CD99L2: variants seen among roughly 807,000 people sequenced by gnomAD.
CD99L2 encodes CD99 antigen-like protein 2.
Under a neutral mutation model 27.3 loss-of-function variants are expected in CD99L2, and 24 were observed. That is an observed-to-expected ratio of 0.88 (90% CI 0.64 to 1.24). The LOEUF (loss-of-function observed/expected upper bound fraction) is 1.24. CD99L2 is among the 50% of genes most tolerant of loss of function. The pLI is 0.00. For missense variants in CD99L2, 255 were observed against 221.6 expected (o/e 1.15, Z -0.96); for synonymous variants, 97 against 87.9 (o/e 1.10, Z -0.58).
At chrX:150,769,467 C>T (rs968750160) in intron 10 of CD99L2, among the ~76,000 whole-genome samples, 3 of 112,808 alleles carry the variant, frequency 2.7e-5, no homozygotes, top group East Asian at 5.6e-4. Context: ...GATGCGACAG[C>T]GGAATCCATT....
At position 150,824,183 on chromosome X, in the gene CD99L2, G is replaced by GAGGAGA. The variant is rs1235626296; in HGVS notation, c.130+7047_130+7048insTCTCCT. 7.8e-4 allele frequency among the ~76,000 whole-genome samples: 56 copies of GAGGAGA among 72,102 alleles called. 9 individuals carry two copies. Among genetic ancestry groups the GAGGAGA allele is most frequent in the African/African-American group, 2.5e-3 (46 of 18,690 alleles). 62.6% of individuals were successfully genotyped at this position (72,102 alleles called of 115,157 possible). On this transcript the variant is annotated intron_variant, in intron 2 of 10. Coordinates refer to ENST00000370377, the MANE Select transcript of CD99L2 (RefSeq NM_031462.4). ...GGAGGAGGAGGAGGAGGAGAAGGAG[G>GAGGAGA]AGGAGGAAGAAGAAGAGGAGGAGGA...
At chrX:150,893,642 C>A (rs1175552910) in intron 1 of CD99L2, among the ~76,000 whole-genome samples, 1 of 109,337 alleles carries the variant, frequency 9.1e-6, no homozygotes, top group East Asian at 2.9e-4. Context: ...AATTCCTATA[C>A]AATTCACCCT....
At position 150,776,210 on chromosome X, in the gene CD99L2, A is replaced by G; in HGVS notation, c.619T>C (p.Ser207Pro). ...ALIGAVSSYI[S>P]YQQKKFCFSI... ...AAGCAGAACTTCTTCTGCTGGTAGGAGATGTAGCTGGAGACGGCACCGATG... is the reference window on the plus strand; with the variant it reads ...AAGCAGAACTTCTTCTGCTGGTAGGGGATGTAGCTGGAGACGGCACCGATG... The change falls in exon 9 of 11, where the codon TCC (serine) becomes CCC (proline). Residue 207 changes from serine to proline, a missense_variant. Coordinates refer to ENST00000370377, the MANE Select transcript of CD99L2 (RefSeq NM_031462.4). 8.3e-7 allele frequency: 1 copy of G among 1,211,392 alleles called. No individual in the cohort carries two copies. The highest frequency in any genetic ancestry group is 1.1e-6 in the Non-Finnish European group (1 of 895,343).
chrX:150,793,713 T>C lies in CD99L2; in HGVS notation c.474A>G (p.Glu158=). 8.3e-7 allele frequency: 1 copy of C among 1,200,977 alleles called. No homozygotes were observed. Among genetic ancestry groups the C allele is most frequent in the Non-Finnish European group, 1.1e-6 (1 of 890,703 alleles). The change falls in exon 7 of 11, where the codon GAA becomes GAG. Residue 158 remains glutamate, a synonymous_variant. Coordinates refer to ENST00000370377, the MANE Select transcript of CD99L2 (RefSeq NM_031462.4). The stretch of plus-strand genomic sequence containing the variant: ...TACCTTTACCCTTGTCAGGTTTGTA[T>C]TCTCCACCCCCTACTATGTCTTCAA... The part of the protein sequence containing the change: ...KDLEDIVGGG[E]YKPDKGKGDG...
intron 1 of CD99L2, among the ~76,000 whole-genome samples, chrX:150,838,130 T>C (rs1335551440): frequency 8.9e-6 from 1 of 112,217 alleles, no homozygotes; most frequent in Non-Finnish European, 1.9e-5. Context: ...AGTCTAATCA[T>C]GACAAAAACA....
chrX:150,771,329 G>C (rs1194096939), intron 9 of CD99L2, among the ~76,000 whole-genome samples: 1 of 112,913 alleles, frequency 8.9e-6, no homozygotes, highest in Non-Finnish European at 1.9e-5. Context: ...GGCAAATGCG[G>C]GCGTTGCTCT....
At chrX:150,792,158 T>C (rs923012229) in intron 7 of CD99L2, among the ~76,000 whole-genome samples, 3 of 112,145 alleles carry the variant, frequency 2.7e-5, no homozygotes, top group African/African-American at 6.5e-5. Flanking sequence ...ACACCTATAA[T>C]GGCAGAGGGT....
chrX:150,792,714 A>G (rs936440578), intron 7 of CD99L2, among the ~76,000 whole-genome samples: 2 of 112,090 alleles, frequency 1.8e-5, no homozygotes, highest in Non-Finnish European at 3.8e-5. Flanking sequence ...GGTTACAACC[A>G]GGGTTACCAC....
At chrX:150,836,546 C>T (rs936292874) in intron 1 of CD99L2, among the ~76,000 whole-genome samples, 3 of 110,629 alleles carry the variant, frequency 2.7e-5, no homozygotes, top group African/African-American at 9.9e-5. Flanking sequence ...AGGCTGGTCT[C>T]GAACTCCCAA....
intron 1 of CD99L2, among the ~76,000 whole-genome samples, chrX:150,885,226 G>A (rs1181270429): frequency 6.3e-5 from 7 of 111,385 alleles, no homozygotes; most frequent in South Asian, 3.8e-4. Flanking sequence ...TCTATTTCTC[G>A]ACCTGGTCGG....
intron 1 of CD99L2, among the ~76,000 whole-genome samples, chrX:150,865,860 C>T (rs1451187215): frequency 8.9e-6 from 1 of 112,663 alleles, no homozygotes; most frequent in African/African-American, 3.2e-5. Flanking sequence ...GTGGCTCCCA[C>T]CTGTCATCCC....
At chrX:150,815,761 G>A (rs1008857975) in intron 3 of CD99L2, among the ~76,000 whole-genome samples, 9 of 112,290 alleles carry the variant, frequency 8.0e-5, no homozygotes, top group African/African-American at 2.9e-4. Context: ...CTAAAAAGGG[G>A]AAGAAGTCCA....
chrX:150,883,627 T>C (rs2047365544), intron 1 of CD99L2, among the ~76,000 whole-genome samples: 1 of 111,456 alleles, frequency 9.0e-6, no homozygotes. Context: ...AATTCTTCTC[T>C]GGAAGAAGGC....
chrX:150,843,352 T>G (rs2124273126), intron 1 of CD99L2, among the ~76,000 whole-genome samples: 1 of 112,077 alleles, frequency 8.9e-6, no homozygotes, highest in South Asian at 3.7e-4. Flanking sequence ...AATTTTAAAA[T>G]CCTGACCCTT....
chrX:150,797,283 A>T (rs184602550), intron 4 of CD99L2, among the ~76,000 whole-genome samples: 1 of 112,570 alleles, frequency 8.9e-6, no homozygotes, highest in East Asian at 2.8e-4. Context: ...AAGTTAAAAA[A>T]GATGATATGC....
intron 1 of CD99L2, among the ~76,000 whole-genome samples, chrX:150,850,319 A>G (rs185795726): frequency 4.0e-4 from 45 of 111,506 alleles, no homozygotes; most frequent in African/African-American, 1.4e-3. Flanking sequence ...GCTTGGCAGC[A>G]GGCACCTCAC....
intron 1 of CD99L2, among the ~76,000 whole-genome samples, chrX:150,867,534 A>G (rs2047080967): frequency 3.6e-5 from 4 of 110,032 alleles, no homozygotes; most frequent in Admixed American, 2.9e-4. Context: ...GAGGCCAAGG[A>G]GGGCGGATCA....
At chrX:150,772,433 G>A (rs908840966) in intron 9 of CD99L2, among the ~76,000 whole-genome samples, 3 of 112,581 alleles carry the variant, frequency 2.7e-5, no homozygotes, top group South Asian at 3.6e-4. Flanking sequence ...GCAGAGGCCC[G>A]GGATGGGGAT....
At chrX:150,869,917 TGACTGGCAAG>T (rs2047129485) in intron 1 of CD99L2, among the ~76,000 whole-genome samples, 1 of 111,300 alleles carries the variant, frequency 9.0e-6, no homozygotes, top group South Asian at 3.8e-4. Flanking sequence ...AGGGAATAGC[TGACTGGCAAG>T]GTTGTTCTCA....
Sources: gnomAD v4.1 joint callset for allele counts (sites outside exome capture counted in the v4.1 genomes callset) on GRCh38, gnomAD v4.1.1 for gene constraint, MANE v1.5 for transcripts, NCBI Gene and HGNC (gene_info 2026-07-23, HGNC 2026-07-21) for gene names.